Variants in KAT14 observed in about 807,000 individuals in gnomAD.
The protein encoded by KAT14 is cysteine-rich protein 2-binding protein.
KAT14 carries 66 observed loss-of-function variants against 78.4 expected under a neutral mutation model. The observed-to-expected ratio is 0.84, with a 90% CI of 0.69 to 1.03. The LOEUF is 1.03. Ranked by LOEUF, KAT14 falls within the 50% of genes least tolerant of loss-of-function variation. The pLI, the probability that KAT14 is intolerant of heterozygous loss-of-function variation, is 0.00. For missense variants in KAT14, 870 were observed against 972.5 expected, an observed-to-expected ratio of 0.89 and a Z score of 1.40; for synonymous variants, 344 against 359.4, an observed-to-expected ratio of 0.96 and a Z score of 0.48.
At chr20:18,174,864 C>G (rs940340196) in intron 7 of KAT14, among the ~76,000 whole-genome samples, 4 of 152,036 alleles carry the variant, frequency 2.6e-5, no homozygotes, top group Non-Finnish European at 5.9e-5. Flanking sequence ...TGGGTTTCAT[C>G]ATGTTGGCCA....
At chr20:18,183,066 G>A (rs1197964063) in intron 8 of KAT14, 57 bp from the exon 9 acceptor site, 1 of 1,555,430 alleles carries the variant, frequency 6.4e-7, no homozygotes, top group Non-Finnish European at 8.7e-7. Flanking sequence ...AAAAAGCTAG[G>A]AATAATACCA....
At chr20:18,160,139 G>A (rs937060406) in intron 5 of KAT14, among the ~76,000 whole-genome samples, 1 of 152,172 alleles carries the variant, frequency 6.6e-6, no homozygotes, top group Non-Finnish European at 1.5e-5. Context: ...GACCTCAGGC[G>A]ATCCACCTGC....
chr20:18,138,207 C>A, intron 1 of KAT14, 156 bp downstream of exon 1: 1 of 1,265,310 alleles, frequency 7.9e-7, no homozygotes, highest in Non-Finnish European at 9.9e-7. Context: ...CTGCGGCCGG[C>A]GGCCGCTCTG....
rs2038434033 is a variant in KAT14 at position 18,161,819 on chromosome 20, G to T, written c.683-4G>T. On this transcript the variant is annotated splice_polypyrimidine_tract_variant and splice_region_variant and intron_variant, in intron 5 of 10. Coordinates refer to ENST00000688188, the MANE Select transcript of KAT14 (RefSeq NM_001392073.1). ...CTCAGCCTGTATTTATTCTTTCTTAGCAGCCTCAAAACCAACTTTAGATCC... is the reference window on the plus strand; with the variant it reads ...CTCAGCCTGTATTTATTCTTTCTTATCAGCCTCAAAACCAACTTTAGATCC... 6.2e-7 allele frequency: 1 copy of T among 1,609,848 alleles called. No individual in the cohort carries two copies. Among genetic ancestry groups the T allele is most frequent in the Non-Finnish European group, 8.5e-7 (1 of 1,178,518 alleles).
At chr20:18,152,490 T>G (rs2038084815) in intron 4 of KAT14, among the ~76,000 whole-genome samples, 1 of 152,090 alleles carries the variant, frequency 6.6e-6, no homozygotes, top group Non-Finnish European at 1.5e-5. Flanking sequence ...AGCAGGAGAA[T>G]CGCTTGAACC....
chr20:18,173,321 A>G (rs1325635260), intron 7 of KAT14, among the ~76,000 whole-genome samples: 2 of 152,200 alleles, frequency 1.3e-5, no homozygotes, highest in Non-Finnish European at 2.9e-5. Context: ...GCTGGTTCCC[A>G]CAGAGGCTCT....
chr20:18,138,728 A>T (rs1231703676), intron 1 of KAT14, among the ~76,000 whole-genome samples: 1 of 152,162 alleles, frequency 6.6e-6, no homozygotes, highest in East Asian at 1.9e-4. Context: ...TTCAGGAAAT[A>T]TCCGTGACCT....
At chr20:18,178,983 A>G (rs1384351094) in intron 7 of KAT14, among the ~76,000 whole-genome samples, 2 of 152,334 alleles carry the variant, frequency 1.3e-5, no homozygotes, top group Middle Eastern at 3.4e-3. Context: ...CAGCAGTTCT[A>G]CATGGGAGAA....
At chr20:18,184,451 G>T (rs1039166976) in intron 9 of KAT14, 151 bp from the exon 10 acceptor site, 6 of 682,966 alleles carry the variant, frequency 8.8e-6, no homozygotes, top group African/African-American at 5.8e-5. Context: ...TTATGATCTG[G>T]TTGTGTGGTC....
At chr20:18,156,170 G>A (rs1372753042) in intron 4 of KAT14, among the ~76,000 whole-genome samples, 1 of 152,170 alleles carries the variant, frequency 6.6e-6, no homozygotes, top group African/African-American at 2.4e-5. Flanking sequence ...CCACTTATCT[G>A]AGATACTTAG....
intron 7 of KAT14, among the ~76,000 whole-genome samples, chr20:18,176,467 G>A (rs1033475235): frequency 8.5e-5 from 13 of 152,176 alleles, no homozygotes; most frequent in Middle Eastern, 3.2e-3. Context: ...TGAACGCGGG[G>A]ACAGTGATGT....
At chr20:18,138,254 G>A (rs1600210685) in intron 1 of KAT14, 4 of 1,235,060 alleles carry the variant, frequency 3.2e-6, no homozygotes, top group Non-Finnish European at 4.0e-6. Flanking sequence ...GCGGGCGTGT[G>A]CAGCCCGCAG....
At position 18,148,496 on chromosome 20, in the gene KAT14, C is replaced by G. The variant is rs1256368175; in HGVS notation, c.379-2325C>G. Among the ~76,000 whole-genome samples, 3 of 152,154 alleles carry G rather than the reference C, an allele frequency of 2.0e-5. No individual in the cohort carries two copies. In the East Asian group the frequency reaches 5.8e-4, roughly 29 times the overall value. ...GTGTTCTTCAGCATATACTGAGTACCTGCCAGCTCTGAGCTAGGCCCTGTG... is the reference window on the plus strand; with the variant it reads ...GTGTTCTTCAGCATATACTGAGTACGTGCCAGCTCTGAGCTAGGCCCTGTG... On this transcript the variant is annotated intron_variant, in intron 3 of 10. Coordinates refer to ENST00000688188, the MANE Select transcript of KAT14 (RefSeq NM_001392073.1).
At chr20:18,147,761 T>G (rs544360285) in intron 3 of KAT14, among the ~76,000 whole-genome samples, 8 of 152,216 alleles carry the variant, frequency 5.3e-5, no homozygotes, top group African/African-American at 1.9e-4. Flanking sequence ...ATTTTTTGTA[T>G]TTTTAGTAGA....
At chr20:18,150,690 C>G in intron 3 of KAT14, 131 bp from the exon 4 acceptor site, 1 of 1,410,646 alleles carries the variant, frequency 7.1e-7, no homozygotes, top group African/African-American at 1.4e-5. Context: ...TCCAAGATAC[C>G]GTCCGTCCTT....
At chr20:18,175,629 A>G (rs1163673414) in intron 7 of KAT14, among the ~76,000 whole-genome samples, 1 of 152,290 alleles carries the variant, frequency 6.6e-6, no homozygotes, top group Middle Eastern at 3.4e-3. Flanking sequence ...AATTAGAAGT[A>G]TAAAGAAACT....
At chr20:18,177,151 A>C (rs2039079507) in intron 7 of KAT14, among the ~76,000 whole-genome samples, 1 of 152,130 alleles carries the variant, frequency 6.6e-6, no homozygotes, top group South Asian at 2.1e-4. Flanking sequence ...CTGTGGATTG[A>C]CTGGGCACTG....
At chr20:18,141,051 T>TTTGTTTTTTTTTTTTG (rs58888387) in intron 1 of KAT14, among the ~76,000 whole-genome samples, 1 of 109,704 alleles carries the variant, frequency 9.1e-6, no homozygotes, top group Non-Finnish European at 1.8e-5. Flanking sequence ...TTTTTTATTT[T>TTTGTTTTTTTTTTTTG]TATTTTTGCT....
chr20:18,149,218 A>T lies in KAT14; in HGVS notation c.379-1603A>T, dbSNP rs73599801. Among the ~76,000 whole-genome samples the T allele has an allele frequency of 7.4e-4, 112 of 152,350 alleles. 1 individual carries two copies. The East Asian group carries it at 0.021, about 28-fold the overall frequency. On this transcript the variant is annotated intron_variant, in intron 3 of 10. Transcript: ENST00000688188. The stretch of plus-strand genomic sequence containing the variant: ...TTATTTTTTAAAATTGTGATGAAAT[A>T]TGCATAACATATAGTTTACCATTTT...
Sources: allele counts gnomAD v4.1 joint callset (sites outside exome capture counted in the v4.1 genomes callset), GRCh38; gene constraint gnomAD v4.1.1; transcripts MANE v1.5; gene names NCBI Gene and HGNC (gene_info 2026-07-23, HGNC 2026-07-21).